The following PRR22 variants were observed in gnomAD, a reference collection of about 807,000 sequenced individuals.
PRR22 encodes proline-rich protein 22.
Under a neutral mutation model 7.2 loss-of-function variants are expected in PRR22, and 5 were observed. The observed-to-expected ratio is 0.69, with a 90% CI of 0.36 to 1.45. The LOEUF is 1.45. PRR22 is among the 40% of genes most tolerant of loss of function. PRR22 has a pLI of 0.03. For missense variants in PRR22, 619 were observed against 568.8 expected, an observed-to-expected ratio of 1.09 and a Z score of -0.90; for synonymous variants, 319 against 269.3, an observed-to-expected ratio of 1.18 and a Z score of -1.81.
In PRR22 at chr19:5,783,116, C is replaced by A; in HGVS notation, c.1131G>T (p.Pro377=). The A allele has an allele frequency of 6.2e-7, 1 of 1,612,142 alleles. No individual in the cohort carries two copies. Among genetic ancestry groups the A allele is most frequent in the Non-Finnish European group, 8.5e-7 (1 of 1,179,648 alleles). Residue 377 remains proline (P), a synonymous_variant, in exon 3 of 3, where the codon CCG becomes CCT. Transcript: ENST00000419421. ...PHPGPPATNT[P]APILSGKRKA... ...TTCTCTTGCCAGACAGAATGGGGGC[C>A]GGGGTGTTGGTGGCAGGGGGCCCCG...
chr19:5,783,796 C>T lies in PRR22; in HGVS notation c.451G>A (p.Gly151Ser). The T allele has an allele frequency of 6.7e-7, 1 of 1,500,362 alleles. No homozygotes were observed. The highest frequency in any genetic ancestry group is 8.9e-7 in the Non-Finnish European group (1 of 1,123,690). The allele number at this position is 1,500,362 out of a possible 1,614,324, so 92.9% of individuals were successfully genotyped here. A position where few individuals can be genotyped will look rare whatever the true frequency, so the allele number is the denominator to read the frequency against. Residue 151 changes from glycine to serine, a missense_variant, in exon 3 of 3, where the codon GGC becomes AGC. Coordinates refer to ENST00000419421, the MANE Select transcript of PRR22 (RefSeq NM_001134316.2). ...QFLLPYFPPEGPGPEALGFVG... is the reference protein window; with the variant it reads ...QFLLPYFPPESPGPEALGFVG... The stretch of plus-strand genomic sequence containing the variant: ...AAACCCAGAGCCTCTGGCCCGGGGC[C>T]CTCAGGCGGGAAGTAGGGCAAGAGA...
intron 2 of PRR22, 100 bp downstream of exon 2, chr19:5,784,277 A>G: frequency 2.3e-6 from 3 of 1,305,204 alleles, no homozygotes; most frequent in East Asian, 4.6e-5. Flanking sequence ...AGCAGAGGCC[A>G]TGCCTTCAGG....
Position 5,784,602 on chromosome 19 carries a change from T to C in PRR22, c.59A>G (p.Gln20Arg). ...PAAPQEGFSP[Q>R]SLEGAEVLGN... The stretch of plus-strand genomic sequence containing the variant: ...CAGCACCTCAGCCCCCTCCAGACTC[T>C]GCGGGCTGAAACCTTCCTGGGGAGC... The change falls in exon 1 of 3, where the codon CAG (glutamine) becomes CGG (arginine). Residue 20 changes from glutamine (Q) to arginine (R), a missense_variant. Coordinates refer to ENST00000419421, the MANE Select transcript of PRR22 (RefSeq NM_001134316.2). 2.6e-6 allele frequency: 4 copies of C among 1,541,534 alleles called. No individual in the cohort carries two copies. The South Asian group carries it at 3.6e-5, about 14-fold the overall frequency.
At position 5,783,267 on chromosome 19, in the gene PRR22, C is replaced by T. The variant is rs759843689; in HGVS notation, c.980G>A (p.Arg327His). ...SSGGNSADDIRSLCLPEELLS... is the reference protein window; with the variant it reads ...SSGGNSADDIHSLCLPEELLS... ...CAGCTCCTCGGGCAGGCACAGCGAG[C>T]GGATGTCATCGGCTGAGTTCCCACC... is the stretch of plus-strand genomic sequence containing the variant. Residue 327 changes from arginine (R) to histidine (H), a missense_variant, in exon 3 of 3, where the codon CGC becomes CAC. Arg to His is a conservative substitution (Grantham distance 29). Transcript: ENST00000419421. 13 of 1,612,724 alleles carry T rather than the reference C, an allele frequency of 8.1e-6. No homozygotes were observed. Among genetic ancestry groups the T allele is most frequent in the South Asian group, 3.3e-5 (3 of 91,092 alleles).
Position 5,783,157 on chromosome 19 carries a change from C to T in PRR22, c.1090G>A (p.Glu364Lys). ...YFFNFKALDE[E>K]QPPHPGPPAT... ...GGGGGCCCCGGGTGGGGCGGCTGCT[C>T]CTCGTCGAGCGCCTTGAAGTTGAAG... Residue 364 changes from glutamate to lysine, a missense_variant, in exon 3 of 3, where the codon GAG becomes AAG. Glu to Lys is a moderately conservative substitution (Grantham distance 56). Coordinates refer to ENST00000419421, the MANE Select transcript of PRR22 (RefSeq NM_001134316.2). 1.2e-6 allele frequency: 2 copies of T among 1,612,514 alleles called. No individual in the cohort carries two copies. The highest frequency in any genetic ancestry group is 8.5e-7 in the Non-Finnish European group (1 of 1,179,856).
Position 5,782,966 on chromosome 19 carries a change from G to A in PRR22, c.*12C>T, listed in dbSNP as rs367801675. On this transcript the variant is annotated 3_prime_UTR_variant, in exon 3 of 3. Coordinates refer to ENST00000419421, the MANE Select transcript of PRR22 (RefSeq NM_001134316.2). The stretch of plus-strand genomic sequence containing the variant: ...CCCCACGTGGACATGGAGCTGAAAG[G>A]TCAAATGTGCTTTAATGCGGGGTGG... 8.6e-6 allele frequency: 13 copies of A among 1,505,164 alleles called. No homozygotes were observed. Among genetic ancestry groups the A allele is most frequent in the African/African-American group, 2.8e-5 (2 of 71,614 alleles). The allele number at this position is 1,505,164 out of a possible 1,614,324, so 93.2% of individuals were successfully genotyped here.
chr19:5,783,266 G>A lies in PRR22; in HGVS notation c.981C>T (p.Arg327=), dbSNP rs1176793707. The change falls in exon 3 of 3, where the codon CGC becomes CGT. Residue 327 remains arginine, a synonymous_variant. Transcript: ENST00000419421. ...GCAGCTCCTCGGGCAGGCACAGCGA[G>A]CGGATGTCATCGGCTGAGTTCCCAC... The part of the protein sequence containing the change: ...SSGGNSADDI[R]SLCLPEELLS... The A allele has an allele frequency of 2.5e-6, 4 of 1,612,876 alleles. No homozygotes were observed. The highest frequency in any genetic ancestry group is 3.3e-5 in the Admixed American group (2 of 60,024).
chr19:5,783,521 C>T lies in PRR22; in HGVS notation c.726G>A (p.Gly242=). The T allele has an allele frequency of 3.1e-6, 5 of 1,603,214 alleles. No individual in the cohort carries two copies. Among genetic ancestry groups the T allele is most frequent in the Non-Finnish European group, 4.3e-6 (5 of 1,175,790 alleles). ...TGAGGCCCGGTGGGTACAGGGGCAC[C>T]CCAGGTCGGGCCCCACTGCCCTGCA... The part of the protein sequence containing the change: ...KELQGSGARP[G]VPLYPPGLSE... The change falls in exon 3 of 3, where the codon GGG becomes GGA. Residue 242 remains glycine (G), a synonymous_variant. Coordinates refer to ENST00000419421, the MANE Select transcript of PRR22 (RefSeq NM_001134316.2).
chr19:5,783,361 G>C lies in PRR22; in HGVS notation c.886C>G (p.Leu296Val). 1 of 1,612,734 alleles carries C rather than the reference G, an allele frequency of 6.2e-7. No homozygotes were observed. Among genetic ancestry groups the C allele is most frequent in the Non-Finnish European group, 8.5e-7 (1 of 1,179,942 alleles). Residue 296 changes from leucine to valine, a missense_variant, in exon 3 of 3, where the codon CTG becomes GTG. Physicochemically the swap from Leu to Val is conservative, Grantham distance 32. Transcript: ENST00000419421. ...CCCTCAGGCTCAGAGGCGCCTGGCA[G>C]GCAGTCGAAGAGCTTCATGGCGTCC... ...LEDAMKLFDC[L>V]PGASEPEGTL...
rs767045999 is a variant in PRR22 at position 5,783,752 on chromosome 19, G to A, written c.495C>T (p.Pro165=). The A allele has an allele frequency of 2.1e-5, 31 of 1,489,626 alleles. No homozygotes were observed. The highest frequency in any genetic ancestry group is 1.8e-4 in the Middle Eastern group (1 of 5,586). The allele number at this position is 1,489,626 out of a possible 1,614,324, so 92.3% of individuals were successfully genotyped here. A position where few individuals can be genotyped will look rare whatever the true frequency, so the allele number is the denominator to read the frequency against. The change falls in exon 3 of 3, where the codon CCC becomes CCT. Residue 165 remains proline (P), a synonymous_variant. Coordinates refer to ENST00000419421, the MANE Select transcript of PRR22 (RefSeq NM_001134316.2). ...EALGFVGDAG[P]AAFVELPLPP... ...GTAGGGGCAGCTCCACGAAGGCGGCGGGCCCTGCGTCCCCCACAAAACCCA... is the reference window on the plus strand; with the variant it reads ...GTAGGGGCAGCTCCACGAAGGCGGCAGGCCCTGCGTCCCCCACAAAACCCA...
chr19:5,783,828 G>A lies in PRR22; in HGVS notation c.419C>T (p.Pro140Leu). ...YPHYQQAPGG[P>L]QFLLPYFPPE... ...CGGGAAGTAGGGCAAGAGAAACTGG[G>A]GCCCCCCGGGTGCCTGCTGGTAGTG... The change falls in exon 3 of 3, where the codon CCC (proline) becomes CTC (leucine). Residue 140 changes from proline (P) to leucine (L), a missense_variant. Transcript: ENST00000419421. The A allele has an allele frequency of 6.5e-7, 1 of 1,534,548 alleles. No individual in the cohort carries two copies. The highest frequency in any genetic ancestry group is 8.8e-7 in the Non-Finnish European group (1 of 1,139,764).
Position 5,783,173 on chromosome 19 carries a change from G to T in PRR22, c.1074C>A (p.Phe358Leu), listed in dbSNP as rs775204354. 2 of 1,612,708 alleles carry T rather than the reference G, an allele frequency of 1.2e-6. No homozygotes were observed. Among genetic ancestry groups the T allele is most frequent in the Admixed American group, 3.3e-5 (2 of 60,012 alleles). Residue 358 changes from phenylalanine to leucine, a missense_variant, in exon 3 of 3, where the codon TTC (phenylalanine) becomes TTA (leucine). Phe to Leu is a conservative substitution (Grantham distance 22). Coordinates refer to ENST00000419421, the MANE Select transcript of PRR22 (RefSeq NM_001134316.2). The part of the protein sequence containing the change: ...TVSNVDYFFN[F>L]KALDEEQPPH... ...GCGGCTGCTCCTCGTCGAGCGCCTT[G>T]AAGTTGAAGAAGTAGTCAACGTTGG...
chr19:5,783,662 A>AG lies in PRR22; in HGVS notation c.584dup (p.Val196CysfsTer87). ...GCTCTGCAGGCAGCGTGATGAGTAC[A>AG]GGGGGCGGCTTGTTCTCCTTGGGGG... On this transcript the variant is annotated frameshift_variant, in exon 3 of 3. Transcript: ENST00000419421. LOFTEE classifies it low-confidence loss of function (END_TRUNC). 7.8e-7 allele frequency: 1 copy of AG among 1,290,282 alleles called. No homozygotes were observed. The highest frequency in any genetic ancestry group is 1.0e-6 in the Non-Finnish European group (1 of 980,522). The allele number at this position is 1,290,282 out of a possible 1,614,324, so 79.9% of individuals were successfully genotyped here.
In PRR22 at chr19:5,783,433, G is replaced by GGGCCTT. The variant is rs2056811342; in HGVS notation, c.808_813dup (p.Lys270_Ala271dup). ...AGTGCCAAAGCTCTGGCCGTCTTGG[G>GGGCCTT]GGCCTTGGCCTTGCCTGCTCCCAGC... On this transcript the variant is annotated inframe_insertion, in exon 3 of 3. Transcript: ENST00000419421. 5 of 1,612,038 alleles carry GGGCCTT rather than the reference G, an allele frequency of 3.1e-6. No homozygotes were observed. Among genetic ancestry groups the GGGCCTT allele is most frequent in the Non-Finnish European group, 3.4e-6 (4 of 1,179,686 alleles).
At position 5,783,406 on chromosome 19, in the gene PRR22, G is replaced by C. The variant is rs746312379; in HGVS notation, c.841C>G (p.Pro281Ala). The change falls in exon 3 of 3, where the codon CCT becomes GCT. Residue 281 changes from proline to alanine, a missense_variant. Physicochemically the swap from Pro to Ala is conservative, Grantham distance 27. Transcript: ENST00000419421. ...GCGTCCTCCAGCAGAACCTTGTCAG[G>C]CAGTGCCAAAGCTCTGGCCGTCTTG... ...APKTARALAL[P>A]DKVLLEDAMK... The C allele has an allele frequency of 1.2e-6, 2 of 1,612,544 alleles. No homozygotes were observed. The highest frequency in any genetic ancestry group is 1.7e-6 in the Non-Finnish European group (2 of 1,179,910).
rs1280358902 is a variant in PRR22, at chr19:5,783,001, C to T, written c.1246G>A (p.Asp416Asn). The change falls in exon 3 of 3, where the codon GAC (aspartate) becomes AAC (asparagine). Residue 416 changes from aspartate (D) to asparagine (N), a missense_variant. Physicochemically the swap from Asp to Asn is conservative, Grantham distance 23. Coordinates refer to ENST00000419421, the MANE Select transcript of PRR22 (RefSeq NM_001134316.2). ...ASATPPGPRE[D>N]LGATPH is the part of the protein sequence containing the mutation. ...CTTTAATGCGGGGTGGCTCCCAGGT[C>T]CTCCCTGGGCCCCGGGGGAGTGGCG... 3 of 1,529,030 alleles carry T rather than the reference C, an allele frequency of 2.0e-6. No homozygotes were observed. In the Admixed American group the frequency reaches 6.5e-5, roughly 33 times the overall value. 94.7% of individuals were successfully genotyped at this position (1,529,030 alleles called of 1,614,324 possible).
rs758598422 is a variant in PRR22 at position 5,783,873 on chromosome 19, G to T, written c.374C>A (p.Pro125Gln). The T allele has an allele frequency of 6.4e-7, 1 of 1,569,936 alleles. No individual in the cohort carries two copies. Among genetic ancestry groups the T allele is most frequent in the Non-Finnish European group, 8.6e-7 (1 of 1,158,684 alleles). The change falls in exon 3 of 3, where the codon CCG (proline) becomes CAG (glutamine). Residue 125 changes from proline to glutamine, a missense_variant. Physicochemically the swap from Pro to Gln is moderately conservative, Grantham distance 76 (BLOSUM62 -1). Transcript: ENST00000419421. Reference sequence around the variant, plus strand: ...GTAGTGGGGGTATGGAGGCAGCCCCGGGGCCTTGAGGTAGGGCTGAGGCTC... The same window carrying T: ...GTAGTGGGGGTATGGAGGCAGCCCCTGGGCCTTGAGGTAGGGCTGAGGCTC... Reference protein sequence around the residue: ...LLEPQPYLKAPGLPPYPHYQQ... With the variant: ...LLEPQPYLKAQGLPPYPHYQQ...
chr19:5,784,177 A>G (rs766450614), intron 2 of PRR22, 124 bp from the exon 3 acceptor site: 5 of 1,085,212 alleles, frequency 4.6e-6, no homozygotes, highest in Non-Finnish European at 5.7e-6. Flanking sequence ...GGGGGACGAC[A>G]TAGATATTGC....
Position 5,783,216 on chromosome 19 carries a change from T to C in PRR22, c.1031A>G (p.Glu344Gly). Residue 344 changes from glutamate (E) to glycine (G), a missense_variant, in exon 3 of 3, where the codon GAG becomes GGG. Coordinates refer to ENST00000419421, the MANE Select transcript of PRR22 (RefSeq NM_001134316.2). ...AACGTTGGACACGGTGTCCAGGATC[T>C]CAGGCACGCTGTAGTCAAAGGACAG... ...ELLSFDYSVP[E>G]ILDTVSNVDY... is the part of the protein sequence containing the mutation. 6.2e-7 allele frequency: 1 copy of C among 1,612,782 alleles called. No homozygotes were observed. Among genetic ancestry groups the C allele is most frequent in the South Asian group, 1.1e-5 (1 of 91,088 alleles).
Sources: gnomAD v4.1 joint callset for allele counts on GRCh38, gnomAD v4.1.1 for gene constraint, MANE v1.5 for transcripts, NCBI Gene and HGNC (gene_info 2026-07-23, HGNC 2026-07-21) for gene names.